Variants in ARHGAP18 observed in about 807,000 individuals in gnomAD.
The protein encoded by ARHGAP18 is Rho GTPase activating protein 18.
ARHGAP18 carries 67 observed loss-of-function variants against 86.2 expected under a neutral mutation model. The ratio of observed to expected loss-of-function variants is 0.78; its 90% CI spans 0.64 to 0.95. The LOEUF is 0.95. Among genes scored for constraint, ARHGAP18 ranks in the 40% least tolerant of loss-of-function variants. The pLI, the probability that ARHGAP18 is intolerant of heterozygous loss-of-function variation, is 0.00. For missense variants in ARHGAP18, 691 were observed against 780.4 expected (o/e 0.89, Z 1.37); for synonymous variants, 283 against 280.4 (o/e 1.01, Z -0.09).
At chr6:129,674,544 G>C (rs1377863617) in intron 1 of ARHGAP18, among the ~76,000 whole-genome samples, 1 of 152,166 alleles carries the variant, frequency 6.6e-6, no homozygotes, top group Admixed American at 6.5e-5. Flanking sequence ...ATCCCACAAA[G>C]TTCCAAAGAG....
intron 5 of ARHGAP18, among the ~76,000 whole-genome samples, chr6:129,622,374 G>T (rs1789247872): frequency 6.6e-6 from 1 of 151,762 alleles, no homozygotes; most frequent in Non-Finnish European, 1.5e-5. Flanking sequence ...AAAATCAGTT[G>T]CTTTGGGTCT....
chr6:129,706,684 C>G (rs1358476196), intron 1 of ARHGAP18, among the ~76,000 whole-genome samples: 1 of 151,458 alleles, frequency 6.6e-6, no homozygotes, highest in Non-Finnish European at 1.5e-5. Context: ...GTCAGGAGTT[C>G]GAGACCAGCC....
intron 2 of ARHGAP18, 46 bp downstream of exon 2, chr6:129,641,770 T>C: frequency 1.3e-6 from 2 of 1,531,076 alleles, no homozygotes; most frequent in Non-Finnish European, 1.8e-6. Flanking sequence ...TCATTTCCTA[T>C]AAATACATAT....
At chr6:129,667,847 T>G (rs923719263) in intron 1 of ARHGAP18, among the ~76,000 whole-genome samples, 5 of 151,564 alleles carry the variant, frequency 3.3e-5, no homozygotes, top group Admixed American at 2.0e-4. Flanking sequence ...CACAAAAGAA[T>G]TGAAAATCAA....
At chr6:129,599,637 C>T (rs1239623785) in intron 11 of ARHGAP18, among the ~76,000 whole-genome samples, 1 of 152,122 alleles carries the variant, frequency 6.6e-6, no homozygotes, top group African/African-American at 2.4e-5. Flanking sequence ...TGGCCGTTTT[C>T]TATGCCAGAC....
intron 3 of ARHGAP18, among the ~76,000 whole-genome samples, chr6:129,636,257 G>C (rs1584074970): frequency 6.6e-6 from 1 of 152,304 alleles, no homozygotes; most frequent in Non-Finnish European, 1.5e-5. Flanking sequence ...AGATGGACTG[G>C]ACTTGATTCG....
intron 1 of ARHGAP18, among the ~76,000 whole-genome samples, chr6:129,669,532 TCCCAG>T (rs1454129374): frequency 6.8e-6 from 1 of 147,756 alleles, no homozygotes; most frequent in Non-Finnish European, 1.5e-5. Flanking sequence ...ATGCCTGTAA[TCCCAG>T]CACTTTGGGA....
At chr6:129,659,242 A>G (rs1003173966) in intron 1 of ARHGAP18, among the ~76,000 whole-genome samples, 4 of 152,234 alleles carry the variant, frequency 2.6e-5, no homozygotes, top group Non-Finnish European at 4.4e-5. Flanking sequence ...TTTAGAATGA[A>G]TGAGGCAGTA....
intron 5 of ARHGAP18, among the ~76,000 whole-genome samples, chr6:129,625,149 TTATATAGA>T (rs1475402389): frequency 1.8e-5 from 1 of 56,162 alleles, no homozygotes; most frequent in African/African-American, 9.3e-5. Context: ...ATATTATATA[TTATATAGA>T]TATATATTAT....
chr6:129,625,859 T>A (rs1584062961), intron 5 of ARHGAP18, among the ~76,000 whole-genome samples: 1 of 54,860 alleles, frequency 1.8e-5, no homozygotes, highest in East Asian at 3.8e-4. Flanking sequence ...ATATTATATT[T>A]ATATATTATA....
chr6:129,698,738 A>T (rs1440522013), intron 1 of ARHGAP18, among the ~76,000 whole-genome samples: 1 of 140,250 alleles, frequency 7.1e-6, no homozygotes, highest in East Asian at 2.1e-4. Context: ...CTTGTCACCC[A>T]AGCTGGAGTG....
chr6:129,632,157 G>A (rs1052193765), intron 4 of ARHGAP18, among the ~76,000 whole-genome samples: 1 of 152,186 alleles, frequency 6.6e-6, no homozygotes, highest in Admixed American at 6.5e-5. Context: ...ACTTTCCAAT[G>A]TTTGGCTTAC....
chr6:129,654,178 C>T (rs185567265), intron 1 of ARHGAP18, among the ~76,000 whole-genome samples: 10 of 152,234 alleles, frequency 6.6e-5, no homozygotes, highest in African/African-American at 2.4e-4. Flanking sequence ...AAAGGTTTTA[C>T]AGGAAGGGAT....
intron 2 of ARHGAP18, among the ~76,000 whole-genome samples, chr6:129,639,764 G>T (rs1412192304): frequency 6.6e-6 from 1 of 152,144 alleles, no homozygotes; most frequent in East Asian, 1.9e-4. Flanking sequence ...AGTCAGCAAG[G>T]CCGGGCATGG....
At chr6:129,638,670 T>G (rs775426599) in intron 2 of ARHGAP18, 41 bp from the exon 3 acceptor site, 1 of 1,548,206 alleles carries the variant, frequency 6.5e-7, no homozygotes, top group Non-Finnish European at 8.8e-7. Flanking sequence ...TCACAAAATA[T>G]AACAACCTTT....
chr6:129,587,053 T>A (rs781056436), intron 12 of ARHGAP18, among the ~76,000 whole-genome samples: 24 of 152,322 alleles, frequency 1.6e-4, no homozygotes, highest in Middle Eastern at 3.4e-3. Context: ...TAGCCACCCA[T>A]CAATGTTTAT....
intron 4 of ARHGAP18, 61 bp from the exon 5 acceptor site, chr6:129,629,583 C>A: frequency 6.6e-7 from 1 of 1,518,416 alleles, no homozygotes; most frequent in South Asian, 1.3e-5. Flanking sequence ...AAAAAAAATT[C>A]TAATGCATTC....
intron 4 of ARHGAP18, among the ~76,000 whole-genome samples, chr6:129,629,929 A>C (rs1773162318): frequency 6.6e-6 from 1 of 152,216 alleles, no homozygotes; most frequent in African/African-American, 2.4e-5. Flanking sequence ...TAAAGCTAGT[A>C]ATTTACCATT....
intron 1 of ARHGAP18, among the ~76,000 whole-genome samples, chr6:129,701,544 G>T (rs781345330): frequency 6.6e-6 from 1 of 152,192 alleles, no homozygotes; most frequent in South Asian, 2.1e-4. Flanking sequence ...GGCTGAGGTG[G>T]GCAGATCGTG....
Sources: gnomAD v4.1 joint callset for allele counts (sites outside exome capture counted in the v4.1 genomes callset) on GRCh38, gnomAD v4.1.1 for gene constraint, MANE v1.5 for transcripts, NCBI Gene and HGNC (gene_info 2026-07-23, HGNC 2026-07-21) for gene names.